Variants in SORCS2 observed in about 807,000 individuals in gnomAD.
The protein encoded by SORCS2 is sortilin related VPS10 domain containing receptor 2, also known as VPS10 domain-containing receptor SorCS2.
SORCS2 carries 100 observed loss-of-function variants against 141.6 expected under a neutral mutation model. The observed-to-expected ratio is 0.71, with a 90% CI of 0.60 to 0.83. SORCS2 has a LOEUF of 0.83. Ranked by LOEUF, SORCS2 falls within the 40% of genes least tolerant of loss-of-function variation. SORCS2 has a pLI of 0.00. For missense variants in SORCS2, 1,646 were observed against 1,560.2 expected (o/e 1.05, Z -0.93); for synonymous variants, 789 against 676.9 (o/e 1.17, Z -2.57).
chr4:7,448,103 G>A (rs56074615), intron 2 of SORCS2, among the ~76,000 whole-genome samples: 29,103 of 152,226 alleles, frequency 0.19, 3,017 homozygotes, highest in African/African-American at 0.28. Context: ...GTAGGCGAGA[G>A]TCCACTGTGG....
At position 7,485,208 on chromosome 4, in the gene SORCS2, C is replaced by T. The variant is rs187137309; in HGVS notation, c.549-46322C>T. On this transcript the variant is annotated intron_variant, in intron 2 of 26. Transcript: ENST00000507866. Reference sequence around the variant, plus strand: ...TGGGGCTCCTGCAGCCTTCGGTCCCCAGATGAGATCCAGGTCTGGTCTAAG... The same window carrying T: ...TGGGGCTCCTGCAGCCTTCGGTCCCTAGATGAGATCCAGGTCTGGTCTAAG... Among the ~76,000 whole-genome samples the T allele has an allele frequency of 1.9e-4, 29 of 152,344 alleles. No individual in the cohort carries two copies. In the South Asian group the frequency reaches 2.5e-3, roughly 13 times the overall value.
chr4:7,433,901 C>CA (rs1307969531), intron 2 of SORCS2: 1 of 1,613,874 alleles, frequency 6.2e-7, no homozygotes, highest in Non-Finnish European at 8.5e-7. Context: ...GCAGGCATTA[C>CA]CGAGCACACG....
At chr4:7,247,797 G>A (rs140663872) in intron 1 of SORCS2, among the ~76,000 whole-genome samples, 2,944 of 152,336 alleles carry the variant, frequency 0.019, 73 homozygotes, top group Non-Finnish European at 0.025. Flanking sequence ...ATGTTTCCTG[G>A]GGAAGCCGCC....
At chr4:7,462,995 C>A (rs1431342098) in intron 2 of SORCS2, among the ~76,000 whole-genome samples, 1 of 151,900 alleles carries the variant, frequency 6.6e-6, no homozygotes, top group Non-Finnish European at 1.5e-5. Flanking sequence ...AGCCACCACA[C>A]CTCCCTGGTC....
chr4:7,714,656 A>C (rs1036777409), intron 16 of SORCS2, among the ~76,000 whole-genome samples: 2 of 152,176 alleles, frequency 1.3e-5, no homozygotes, highest in Non-Finnish European at 2.9e-5. Flanking sequence ...AGGTCAGGGC[A>C]TCTTGGGGAC....
chr4:7,398,996 C>T (rs561662130), intron 2 of SORCS2, among the ~76,000 whole-genome samples: 1 of 152,364 alleles, frequency 6.6e-6, no homozygotes, highest in African/African-American at 2.4e-5. Context: ...ACTTTTCTAA[C>T]TCCTGCTCAT....
rs114633509 is a variant in SORCS2, at chr4:7,476,678, G to A, written c.549-54852G>A. Among the ~76,000 whole-genome samples, 1,342 of 152,224 alleles carry A rather than the reference G, an allele frequency of 8.8e-3. 16 individuals carry two copies. Among genetic ancestry groups the A allele is most frequent in the African/African-American group, 0.031 (1,283 of 41,524 alleles). On this transcript the variant is annotated intron_variant, in intron 2 of 26. Coordinates refer to ENST00000507866, the MANE Select transcript of SORCS2 (RefSeq NM_020777.3). ...CCAGCAGTCCCCAAGTCAGCAGGGC[G>A]GCCATGCCTCCTGCTAGGAGTCCCT...
chr4:7,365,002 T>C (rs554794359), intron 1 of SORCS2, among the ~76,000 whole-genome samples: 237 of 152,362 alleles, frequency 1.6e-3, no homozygotes, highest in Middle Eastern at 3.4e-3. Flanking sequence ...TAGGTAAGGC[T>C]GGCCCCTGCC....
intron 2 of SORCS2, among the ~76,000 whole-genome samples, chr4:7,462,745 C>T (rs1382664417): frequency 6.6e-6 from 1 of 151,432 alleles, no homozygotes; most frequent in Non-Finnish European, 1.5e-5. Flanking sequence ...GGCCCCAGCC[C>T]CTGTGCACGG....
At chr4:7,466,980 G>T (rs1729656618) in intron 2 of SORCS2, among the ~76,000 whole-genome samples, 1 of 150,542 alleles carries the variant, frequency 6.6e-6, no homozygotes, top group African/African-American at 2.5e-5. Context: ...TATGCAGGTG[G>T]CTCAGTGGCT....
chr4:7,682,866 G>C lies in SORCS2; in HGVS notation c.1465G>C (p.Gly489Arg), dbSNP rs1450822285. The C allele has an allele frequency of 6.2e-7, 1 of 1,613,486 alleles. No homozygotes were observed. Among genetic ancestry groups the C allele is most frequent in the Admixed American group, 1.7e-5 (1 of 59,962 alleles). The change falls in exon 10 of 27, where the codon GGA becomes CGA. Residue 489 changes from glycine (G) to arginine (R), a missense_variant. Transcript: ENST00000507866. ...YLRPPSMDMN[G>R]KPTNCKPPDC... ...GAGGCCACCCAGCATGGACATGAAT[G>C]GAAAACCAACCAACTGCAAGCCTGT...
At chr4:7,540,593 C>G (rs774376063) in intron 3 of SORCS2, among the ~76,000 whole-genome samples, 1 of 152,222 alleles carries the variant, frequency 6.6e-6, no homozygotes, top group Admixed American at 6.5e-5. Context: ...TGCCGAGATG[C>G]TTTGGCGCTG....
chr4:7,444,010 A>T (rs1025539593), intron 2 of SORCS2, among the ~76,000 whole-genome samples: 2 of 152,258 alleles, frequency 1.3e-5, no homozygotes, highest in Non-Finnish European at 2.9e-5. Context: ...CCACAGGTAA[A>T]GGGGCTGTCT....
chr4:7,656,068 C>T (rs1478984221), intron 5 of SORCS2, among the ~76,000 whole-genome samples: 5 of 152,232 alleles, frequency 3.3e-5, no homozygotes, highest in Admixed American at 6.5e-5. Flanking sequence ...GATATCTCCC[C>T]TCCCCTTGTA....
At chr4:7,243,609 C>G (rs1712863667) in intron 1 of SORCS2, among the ~76,000 whole-genome samples, 1 of 152,246 alleles carries the variant, frequency 6.6e-6, no homozygotes, top group Non-Finnish European at 1.5e-5. Flanking sequence ...AGGGAAGGAA[C>G]TGGCTGCACA....
chr4:7,410,949 CTTTTT>C (rs5855962), intron 2 of SORCS2, among the ~76,000 whole-genome samples: 4 of 73,842 alleles, frequency 5.4e-5, no homozygotes, highest in African/African-American at 1.5e-4. Context: ...TCTCTCCATC[CTTTTT>C]TTTTTTTTTT....
intron 2 of SORCS2, among the ~76,000 whole-genome samples, chr4:7,493,092 G>A (rs1731407549): frequency 6.6e-6 from 1 of 152,196 alleles, no homozygotes; most frequent in South Asian, 2.1e-4. Flanking sequence ...GCCTTCTGAG[G>A]TCACCATGCC....
Position 7,728,432 on chromosome 4 carries a change from G to A in SORCS2, c.2952G>A (p.Val984=). ...ACACCCCTGAGTGGAGGGAAGACGT[G>A]GGCCTGGTGGTCACCCGGCTGCTCT... is the stretch of plus-strand genomic sequence containing the variant. The part of the protein sequence containing the change: ...NPNTPEWRED[V]GLVVTRLLSK... The change falls in exon 22 of 27, where the codon GTG becomes GTA. Residue 984 remains valine (V), a synonymous_variant. Transcript: ENST00000507866. 2 of 1,613,476 alleles carry A rather than the reference G, an allele frequency of 1.2e-6. No homozygotes were observed. Among genetic ancestry groups the A allele is most frequent in the Non-Finnish European group, 1.7e-6 (2 of 1,179,764 alleles).
At chr4:7,689,156 T>G (rs374789408) in intron 10 of SORCS2, among the ~76,000 whole-genome samples, 10 of 152,156 alleles carry the variant, frequency 6.6e-5, no homozygotes, top group African/African-American at 2.4e-4. Context: ...AGCAGCTGCA[T>G]CCGTGAGCAG....
Sources: gnomAD v4.1 joint callset for allele counts (sites outside exome capture counted in the v4.1 genomes callset) on GRCh38, gnomAD v4.1.1 for gene constraint, MANE v1.5 for transcripts, NCBI Gene and HGNC (gene_info 2026-07-23, HGNC 2026-07-21) for gene names.